PRDM16: variants seen among roughly 807,000 people sequenced by gnomAD.
PRDM16 encodes PR/SET domain 16.
A neutral mutation model predicts 110.6 loss-of-function variants in PRDM16; 23 were observed. The observed-to-expected ratio is 0.21, with a 90% confidence interval of 0.15 to 0.29. The LOEUF (loss-of-function observed/expected upper bound fraction) is 0.29, where lower values mean the gene tolerates loss of function less well. PRDM16 is among the 10% of genes least tolerant of loss of function. The probability of loss-of-function intolerance (pLI) is 1.00; values close to 1 mark genes in which losing one functional copy is unlikely to be tolerated. For synonymous variants in PRDM16, 799 were observed against 781.8 expected, an observed-to-expected ratio of 1.02 and a Z score of -0.37; for missense variants, 1,615 against 1,794.3, an observed-to-expected ratio of 0.90 and a Z score of 1.81.
At chr1:3,088,870 C>T (rs1428424224) in intron 1 of PRDM16, among the ~76,000 whole-genome samples, 1 of 152,010 alleles carries the variant, frequency 6.6e-6, no homozygotes, top group Non-Finnish European at 1.5e-5. Context: ...GCAACCTCTG[C>T]CTCCCGGGTT....
At chr1:3,178,076 A>G (rs1185395931) in intron 1 of PRDM16, among the ~76,000 whole-genome samples, 3 of 152,204 alleles carry the variant, frequency 2.0e-5, no homozygotes, top group African/African-American at 7.2e-5. Context: ...GCTGGGTTTT[A>G]CAAGAATGAT....
At chr1:3,407,211 G>A (rs774665849) in intron 8 of PRDM16, among the ~76,000 whole-genome samples, 3 of 152,202 alleles carry the variant, frequency 2.0e-5, no homozygotes, top group Non-Finnish European at 4.4e-5. Flanking sequence ...CCGCCAGCCA[G>A]CCGGGCCCCT....
intron 3 of PRDM16, among the ~76,000 whole-genome samples, chr1:3,332,398 G>A (rs1275607736): frequency 6.6e-6 from 1 of 152,094 alleles, no homozygotes; most frequent in Non-Finnish European, 1.5e-5. Context: ...TGGGCAGTGG[G>A]GGGCTCGGGG....
chr1:3,355,172 G>A (rs1642569512), intron 3 of PRDM16, among the ~76,000 whole-genome samples: 1 of 152,178 alleles, frequency 6.6e-6, no homozygotes, highest in African/African-American at 2.4e-5. Flanking sequence ...CTGAAGGTGT[G>A]CCGGGGAGCT....
In PRDM16 at chr1:3,144,931, C is replaced by T. The variant is rs544114161; in HGVS notation, c.38-41194C>T. Among the ~76,000 whole-genome samples, 3 of 152,294 alleles carry T rather than the reference C, an allele frequency of 2.0e-5. No individual in the cohort carries two copies. The South Asian group carries it at 6.2e-4, about 32-fold the overall frequency. ...GGTCCTCACTCTCTCCTCCCACCTC[C>T]CAGTGAACCCCCAGGGCCTCAGGAA... On this transcript the variant is annotated intron_variant, in intron 1 of 16. Transcript: ENST00000270722.
intron 4 of PRDM16, among the ~76,000 whole-genome samples, chr1:3,395,385 C>G (rs1238731975): frequency 6.6e-6 from 1 of 152,146 alleles, no homozygotes; most frequent in Non-Finnish European, 1.5e-5. Flanking sequence ...TGAGTCTAGA[C>G]CCACTCTGTT....
At chr1:3,129,220 G>A (rs577461223) in intron 1 of PRDM16, among the ~76,000 whole-genome samples, 1 of 151,182 alleles carries the variant, frequency 6.6e-6, no homozygotes, top group Admixed American at 6.6e-5. Flanking sequence ...GTATGTGTGT[G>A]TCTTGGCTGG....
At chr1:3,346,594 A>G (rs1445306332) in intron 3 of PRDM16, among the ~76,000 whole-genome samples, 7 of 150,680 alleles carry the variant, frequency 4.6e-5, no homozygotes, top group Admixed American at 4.6e-4. Flanking sequence ...GGCAACACAG[A>G]CACCCCCTCC....
chr1:3,119,684 G>A (rs1029209363), intron 1 of PRDM16, among the ~76,000 whole-genome samples: 1 of 152,356 alleles, frequency 6.6e-6, no homozygotes, highest in South Asian at 2.1e-4. Context: ...CCAAGGCCTC[G>A]GAAAGTGGGA....
At chr1:3,325,998 C>T (rs991133096) in intron 3 of PRDM16, among the ~76,000 whole-genome samples, 1 of 145,312 alleles carries the variant, frequency 6.9e-6, no homozygotes, top group African/African-American at 2.6e-5. Context: ...CATCCTTGGC[C>T]CCCCTTGGCC....
chr1:3,280,138 C>T (rs1640681840), intron 3 of PRDM16, among the ~76,000 whole-genome samples: 1 of 151,998 alleles, frequency 6.6e-6, no homozygotes, highest in Admixed American at 6.5e-5. Context: ...CAGAGAGAGA[C>T]ATTCAGCACC....
chr1:3,356,627 T>G (rs1476888076), intron 3 of PRDM16, among the ~76,000 whole-genome samples: 1 of 152,204 alleles, frequency 6.6e-6, no homozygotes, highest in African/African-American at 2.4e-5. Flanking sequence ...TAAGGAGCGC[T>G]TCACATAGAT....
At chr1:3,386,493 G>A (rs1486386166) in intron 4 of PRDM16, among the ~76,000 whole-genome samples, 1 of 152,214 alleles carries the variant, frequency 6.6e-6, no homozygotes, top group Non-Finnish European at 1.5e-5. Context: ...TTGCTCCGCT[G>A]GACAAGCTCG....
intron 3 of PRDM16, among the ~76,000 whole-genome samples, chr1:3,250,275 C>G (rs1639898662): frequency 1.3e-5 from 2 of 152,228 alleles, no homozygotes; most frequent in South Asian, 4.2e-4. Context: ...AGGTGGCAGC[C>G]GGCCCTGGGT....
chr1:3,069,249 G>A lies in PRDM16; in HGVS notation c.-11G>A. 2 of 1,576,690 alleles carry A rather than the reference G, an allele frequency of 1.3e-6. No homozygotes were observed. The highest frequency in any genetic ancestry group is 1.4e-5 in the African/African-American group (1 of 72,288). On this transcript the variant is annotated 5_prime_UTR_variant, in exon 1 of 17. Transcript: ENST00000270722. The surrounding 1 kb of genome is among the most constrained non-coding windows in gnomAD (Gnocchi z 6.1). ...TCAAGGAGGAGGAGAGAGATTCCGC[G>A]AGCCGACACCATGCGATCCAAGGCG... is the stretch of plus-strand genomic sequence containing the variant.
intron 4 of PRDM16, among the ~76,000 whole-genome samples, chr1:3,388,137 G>A (rs1321091641): frequency 2.6e-5 from 4 of 152,198 alleles, no homozygotes; most frequent in African/African-American, 7.2e-5. Context: ...TCTTTGAGAA[G>A]GAAACATCAC....
Position 3,339,867 on chromosome 1 carries a change from C to T in PRDM16, c.439-45285C>T, listed in dbSNP as rs1382472143. On this transcript the variant is annotated intron_variant, in intron 3 of 16. Coordinates refer to ENST00000270722, the MANE Select transcript of PRDM16 (RefSeq NM_022114.4). The surrounding 1 kb of genome is among the most constrained non-coding windows in gnomAD (Gnocchi z 5.0). ...GGCCAGGGCCGGTGCTAGGGCAGCC[C>T]AGCTCAGTCCCATAGGAAGATGCGG... is the stretch of plus-strand genomic sequence containing the variant. 6.6e-6 allele frequency among the ~76,000 whole-genome samples: 1 copy of T among 152,176 alleles called. No individual in the cohort carries two copies. Among genetic ancestry groups the T allele is most frequent in the Non-Finnish European group, 1.5e-5 (1 of 68,036 alleles).
At chr1:3,140,569 A>G (rs1283653923) in intron 1 of PRDM16, among the ~76,000 whole-genome samples, 1 of 152,204 alleles carries the variant, frequency 6.6e-6, no homozygotes, top group African/African-American at 2.4e-5. Flanking sequence ...TTGGCTCTCT[A>G]ACTCAGGAGC....
rs1283501198 is a variant in PRDM16 at position 3,257,761 on chromosome 1, A to G, written c.438+13624A>G. ...GTTTGAAGACACTTCTCCATTTAATAGTGCTGCCAGGATACAACCAACCAC... is the reference window on the plus strand; with the variant it reads ...GTTTGAAGACACTTCTCCATTTAATGGTGCTGCCAGGATACAACCAACCAC... On this transcript the variant is annotated intron_variant, in intron 3 of 16. Transcript: ENST00000270722. Among the ~76,000 whole-genome samples, 11 of 152,164 alleles carry G rather than the reference A, an allele frequency of 7.2e-5. 1 individual carries two copies. The highest frequency in any genetic ancestry group is 7.3e-5 in the Non-Finnish European group (5 of 68,036).
Sources: gnomAD v4.1 joint callset for allele counts (sites outside exome capture counted in the v4.1 genomes callset) on GRCh38, gnomAD v4.1.1 for gene constraint, Gnocchi (gnomAD v3.1) non-coding constraint, MANE v1.5 for transcripts, NCBI Gene and HGNC (gene_info 2026-07-23, HGNC 2026-07-21) for gene names.